Variants in AIG1 observed in about 807,000 individuals in gnomAD.
The protein encoded by AIG1 is androgen induced 1.
A neutral mutation model predicts 31.4 loss-of-function variants in AIG1; 23 were observed. The ratio of observed to expected loss-of-function variants is 0.73; its 90% CI spans 0.53 to 1.04. The LOEUF (loss-of-function observed/expected upper bound fraction) is 1.04. Among genes scored for constraint, AIG1 ranks in the 50% least tolerant of loss-of-function variants. AIG1 has a pLI of 0.00. For synonymous variants in AIG1, 100 were observed against 110.5 expected, an observed-to-expected ratio of 0.90 and a Z score of 0.60; for missense variants, 274 against 295.0, an observed-to-expected ratio of 0.93 and a Z score of 0.52.
At chr6:143,169,141 T>C (rs1787254035) in intron 3 of AIG1, among the ~76,000 whole-genome samples, 1 of 152,020 alleles carries the variant, frequency 6.6e-6, no homozygotes, top group African/African-American at 2.4e-5. Flanking sequence ...GGATAAAACA[T>C]TTTATTTAGC....
intron 1 of AIG1, among the ~76,000 whole-genome samples, chr6:143,136,018 G>A (rs1783704289): frequency 6.6e-6 from 1 of 152,078 alleles, no homozygotes; most frequent in African/African-American, 2.4e-5. Context: ...TGCCTGCAGT[G>A]TTCTCCTTTG....
intron 1 of AIG1, among the ~76,000 whole-genome samples, chr6:143,130,122 G>A (rs900226907): frequency 1.3e-5 from 2 of 151,450 alleles, no homozygotes; most frequent in Non-Finnish European, 2.9e-5. Flanking sequence ...ATAGAGATGG[G>A]GGTTCACCAT....
intron 3 of AIG1, among the ~76,000 whole-genome samples, chr6:143,275,700 A>T (rs1393951675): frequency 6.6e-6 from 1 of 152,132 alleles, no homozygotes; most frequent in Non-Finnish European, 1.5e-5. Context: ...ATGATATGAG[A>T]TCTTTCCTTG....
At chr6:143,167,761 A>T (rs1335380809) in intron 3 of AIG1, among the ~76,000 whole-genome samples, 3 of 152,202 alleles carry the variant, frequency 2.0e-5, no homozygotes, top group Non-Finnish European at 4.4e-5. Flanking sequence ...GAGAAAAGAT[A>T]AATTAGTTAA....
chr6:143,260,092 C>T (rs1365238932), intron 3 of AIG1, among the ~76,000 whole-genome samples: 4 of 141,516 alleles, frequency 2.8e-5, no homozygotes, highest in Non-Finnish European at 4.5e-5. Flanking sequence ...GGTGCGATCT[C>T]GGCTCACTGC....
chr6:143,278,459 CT>C (rs1797097988), intron 3 of AIG1, among the ~76,000 whole-genome samples: 1 of 146,844 alleles, frequency 6.8e-6, no homozygotes, highest in Non-Finnish European at 1.5e-5. Context: ...TATCTTTTTT[CT>C]TTTCTTTTTT....
Position 143,136,917 on chromosome 6 carries a change from A to G in AIG1, c.224A>G (p.Gln75Arg). ...ACTCGAGGAAGTGGGAACCAGGAGC[A>G]AGAGAGGCAGCTCAAGAAGCTCATC... ...LLTRGSGNQE[Q>R]ERQLKKLISL... Residue 75 changes from glutamine (Q) to arginine (R), a missense_variant, in exon 2 of 6, where the codon CAA (glutamine) becomes CGA (arginine). Coordinates refer to ENST00000357847, the MANE Select transcript of AIG1 (RefSeq NM_016108.4). The G allele has an allele frequency of 6.5e-7, 1 of 1,536,736 alleles. No homozygotes were observed. Among genetic ancestry groups the G allele is most frequent in the Non-Finnish European group, 8.8e-7 (1 of 1,131,258 alleles).
At position 143,174,324 on chromosome 6, in the gene AIG1, TA is replaced by T. The variant is rs1583415725; in HGVS notation, c.399+9146del. 4.0e-5 allele frequency among the ~76,000 whole-genome samples: 6 copies of T among 151,706 alleles called. No individual in the cohort carries two copies. In the East Asian group the frequency reaches 1.2e-3, roughly 29 times the overall value. On this transcript the variant is annotated intron_variant, in intron 3 of 5. Coordinates refer to ENST00000357847, the MANE Select transcript of AIG1 (RefSeq NM_016108.4). ...CAAGATAGTGAAACCCCATCTCTAT[TA>T]AAAATGCAAAAATTAGCCAGGCGTG...
intron 3 of AIG1, among the ~76,000 whole-genome samples, chr6:143,166,904 C>T (rs138999257): frequency 2.2e-4 from 33 of 152,188 alleles, no homozygotes; most frequent in African/African-American, 8.0e-4. Context: ...CCAGGCCTAT[C>T]TGGCCTCAAA....
At chr6:143,200,320 C>G (rs753710361) in intron 3 of AIG1, among the ~76,000 whole-genome samples, 1 of 152,054 alleles carries the variant, frequency 6.6e-6, no homozygotes, top group African/African-American at 2.4e-5. Flanking sequence ...GAAATTATGA[C>G]AACATCATTG....
chr6:143,188,086 G>A, intron 3 of AIG1: 1 of 1,024,532 alleles, frequency 9.8e-7, no homozygotes, highest in Non-Finnish European at 1.2e-6. Context: ...AGGGTACAGT[G>A]ATAAATGGAG....
Position 143,262,458 on chromosome 6 carries a change from G to A in AIG1, c.400-21652G>A, listed in dbSNP as rs146220328. ...CCCCTGTATTATTTCATTTTTTCAA[G>A]CTGCAAAGCAAATAGGGGAACAGAG... On this transcript the variant is annotated intron_variant, in intron 3 of 5. Coordinates refer to ENST00000357847, the MANE Select transcript of AIG1 (RefSeq NM_016108.4). Among the ~76,000 whole-genome samples the A allele has an allele frequency of 1.6e-3, 247 of 152,192 alleles. 1 individual carries two copies. Among genetic ancestry groups the A allele is most frequent in the African/African-American group, 5.7e-3 (237 of 41,524 alleles).
chr6:143,103,649 A>AGGCGCCC (rs1388784233), intron 1 of AIG1, among the ~76,000 whole-genome samples: 1 of 149,862 alleles, frequency 6.7e-6, no homozygotes, highest in Non-Finnish European at 1.5e-5. Context: ...CTGGGACTAC[A>AGGCGCCC]GGCGCCCGCC....
At chr6:143,215,584 A>G (rs1231713243) in intron 3 of AIG1, among the ~76,000 whole-genome samples, 1 of 152,168 alleles carries the variant, frequency 6.6e-6, no homozygotes, top group Non-Finnish European at 1.5e-5. Context: ...CTCCTTCACC[A>G]GTGTCTACTT....
At chr6:143,322,402 T>G (rs11964384) in intron 4 of AIG1, among the ~76,000 whole-genome samples, 9,426 of 152,278 alleles carry the variant, frequency 0.062, 358 homozygotes, top group African/African-American at 0.093. Flanking sequence ...TTTTGATGAT[T>G]GCTTGGGCCG....
Position 143,288,855 on chromosome 6 carries a change from GA to G in AIG1, c.515+4634del, listed in dbSNP as rs892481843. Among the ~76,000 whole-genome samples the G allele has an allele frequency of 5.9e-5, 9 of 152,216 alleles. No homozygotes were observed. Among genetic ancestry groups the G allele is most frequent in the Non-Finnish European group, 1.0e-4 (7 of 68,042 alleles). Reference sequence around the variant, plus strand: ...TGTAAGGTATGCATTGATTTGACCTGAAAAGGTAGGATGTCTCAAAGAAGTA... The same window carrying G: ...TGTAAGGTATGCATTGATTTGACCTGAAAGGTAGGATGTCTCAAAGAAGTA... On this transcript the variant is annotated intron_variant, in intron 4 of 5. Coordinates refer to ENST00000357847, the MANE Select transcript of AIG1 (RefSeq NM_016108.4). The surrounding 1 kb of genome is among the most constrained non-coding windows in gnomAD (Gnocchi z 4.4).
intron 1 of AIG1, among the ~76,000 whole-genome samples, chr6:143,115,063 C>G (rs777101179): frequency 1.3e-5 from 2 of 152,212 alleles, no homozygotes; most frequent in Non-Finnish European, 2.9e-5. Context: ...CATGATGTCT[C>G]ATGGATATGT....
chr6:143,136,106 GT>G (rs1207479554), intron 1 of AIG1, among the ~76,000 whole-genome samples: 1 of 152,066 alleles, frequency 6.6e-6, no homozygotes, highest in Non-Finnish European at 1.5e-5. Context: ...ATAACCTGTA[GT>G]TTTTTTGGGG....
downstream of AIG1, chr6:143,343,446 G>A: frequency 5.3e-6 from 2 of 373,974 alleles, no homozygotes. Context: ...AGGAGACATC[G>A]GCCCTAGAGT....
Sources: gnomAD v4.1 joint callset for allele counts (sites outside exome capture counted in the v4.1 genomes callset) on GRCh38, gnomAD v4.1.1 for gene constraint, Gnocchi (gnomAD v3.1) non-coding constraint, MANE v1.5 for transcripts, NCBI Gene and HGNC (gene_info 2026-07-23, HGNC 2026-07-21) for gene names.